The following SYCP2L variants were observed in gnomAD, a reference collection of about 807,000 sequenced individuals.
The protein encoded by SYCP2L is synaptonemal complex protein 2 like.
SYCP2L carries 98 observed loss-of-function variants against 125.8 expected under a neutral mutation model. That is an observed-to-expected ratio of 0.78 (90% confidence interval 0.66 to 0.92). The LOEUF is 0.92. SYCP2L is among the 40% of genes least tolerant of loss of function. The pLI, the probability that SYCP2L is intolerant of heterozygous loss-of-function variation, is 0.00. For missense variants in SYCP2L, 842 were observed against 936.4 expected, an observed-to-expected ratio of 0.90 and a Z score of 1.32; for synonymous variants, 317 against 325.4, an observed-to-expected ratio of 0.97 and a Z score of 0.28.
Position 10,956,203 on chromosome 6 carries a change from C to G in SYCP2L, c.2124C>G (p.Thr708=). 6.2e-7 allele frequency: 1 copy of G among 1,613,846 alleles called. No homozygotes were observed. Among genetic ancestry groups the G allele is most frequent in the Non-Finnish European group, 8.5e-7 (1 of 1,179,952 alleles). The change falls in exon 25 of 30, where the codon ACC becomes ACG. Residue 708 remains threonine (T), a synonymous_variant. Coordinates refer to ENST00000283141, the MANE Select transcript of SYCP2L (RefSeq NM_001040274.3). ...ENLNGSAILP[T]FENFTKKRKR... ...TGAACGGTTCTGCCATTCTCCCAAC[C>G]TTTGAAAACTTCACTAAAAAACGGA...
chr6:10,955,231 C>CCCAG lies in SYCP2L; in HGVS notation c.2056+18_2056+21dup. ...GAGAGTTGCCAGGTAACATCATGCA[C>CCCAG]CCAGCCAATGGTTCAAGTAGGAGTG... On this transcript the variant is annotated intron_variant, in intron 24 of 29. Coordinates refer to ENST00000283141, the MANE Select transcript of SYCP2L (RefSeq NM_001040274.3). The CCCAG allele has an allele frequency of 2.6e-6, 4 of 1,530,872 alleles. No individual in the cohort carries two copies. Among genetic ancestry groups the CCCAG allele is most frequent in the Non-Finnish European group, 3.6e-6 (4 of 1,103,954 alleles). The allele number at this position is 1,530,872 out of a possible 1,614,324, so 94.8% of individuals were successfully genotyped here.
chr6:10,954,690 G>A lies in SYCP2L; in HGVS notation c.1955-426G>A, dbSNP rs770142837. ...TTTATGACGTAGCCTTCAGCATAGCGCCGATGTGCCCGTGTCACCAGCAGA... is the reference window on the plus strand; with the variant it reads ...TTTATGACGTAGCCTTCAGCATAGCACCGATGTGCCCGTGTCACCAGCAGA... On this transcript the variant is annotated intron_variant, in intron 23 of 29. Coordinates refer to ENST00000283141, the MANE Select transcript of SYCP2L (RefSeq NM_001040274.3). This position sits in a 1 kb window ranked among gnomAD's most constrained non-coding sequence, Gnocchi z 4.8. 6.6e-6 allele frequency among the ~76,000 whole-genome samples: 1 copy of A among 152,226 alleles called. No individual in the cohort carries two copies. Among genetic ancestry groups the A allele is most frequent in the Non-Finnish European group, 1.5e-5 (1 of 68,030 alleles).
At chr6:10,957,847 A>C (rs1208222471) in intron 25 of SYCP2L, among the ~76,000 whole-genome samples, 2 of 152,086 alleles carry the variant, frequency 1.3e-5, no homozygotes, top group African/African-American at 4.8e-5. Context: ...AATCTGAGAC[A>C]AAGACGGAGG....
chr6:10,972,084 T>A (rs910357151), intron 29 of SYCP2L, among the ~76,000 whole-genome samples: 1 of 152,246 alleles, frequency 6.6e-6, no homozygotes, highest in Non-Finnish European at 1.5e-5. Context: ...TATTTTTTAA[T>A]AACTGCAAAA....
Position 10,958,772 on chromosome 6 carries a change from G to A in SYCP2L, c.2164-12G>A, listed in dbSNP as rs776601830. 21 of 1,603,582 alleles carry A rather than the reference G, an allele frequency of 1.3e-5. No individual in the cohort carries two copies. Among genetic ancestry groups the A allele is most frequent in the Admixed American group, 1.8e-5 (1 of 56,552 alleles). On this transcript the variant is annotated splice_polypyrimidine_tract_variant and intron_variant, in intron 25 of 29. Transcript: ENST00000283141. ...TAAATGTGATCATCTTGTTATTGTT[G>A]TTATGATTTAGCTTAGGTACAGAAA...
At chr6:10,930,207 C>A (rs1046031898) in intron 18 of SYCP2L, 163 bp from the exon 19 acceptor site, 1 of 621,924 alleles carries the variant, frequency 1.6e-6, no homozygotes, top group Non-Finnish European at 2.6e-6. Flanking sequence ...ATGGAATAAT[C>A]CTTTTCTTCC....
chr6:10,928,616 G>A (rs79346766), intron 18 of SYCP2L, among the ~76,000 whole-genome samples, 166 bp downstream of exon 18: 2,827 of 152,192 alleles, frequency 0.019, 92 homozygotes, highest in African/African-American at 0.065. Flanking sequence ...ATAGCTCACC[G>A]TGGCCTCAGC....
chr6:10,954,872 G>A lies in SYCP2L; in HGVS notation c.1955-244G>A, dbSNP rs1008483723. 1.3e-5 allele frequency among the ~76,000 whole-genome samples: 2 copies of A among 152,202 alleles called. No individual in the cohort carries two copies. Among genetic ancestry groups the A allele is most frequent in the South Asian group, 2.1e-4 (1 of 4,830 alleles). On this transcript the variant is annotated intron_variant, in intron 23 of 29. Transcript: ENST00000283141. This position sits in a 1 kb window ranked among gnomAD's most constrained non-coding sequence, Gnocchi z 4.8. ...ACGCTCTGCCTAGTGAGGGGTCTGT[G>A]CTAAGCAGAGTGTTCCTAAATGTAA...
chr6:10,906,804 G>T (rs373195993), intron 9 of SYCP2L, among the ~76,000 whole-genome samples: 1,624 of 151,916 alleles, frequency 0.011, 18 homozygotes, highest in African/African-American at 0.034. Context: ...TCACCATGTT[G>T]GCCAGGCTGG....
At chr6:10,896,325 C>A (rs910926891) in intron 4 of SYCP2L, among the ~76,000 whole-genome samples, 2 of 152,094 alleles carry the variant, frequency 1.3e-5, no homozygotes, top group African/African-American at 4.8e-5. Context: ...GTGACCAGGG[C>A]ACATAAATGG....
At chr6:10,888,922 C>T (rs1780129041) in intron 1 of SYCP2L, among the ~76,000 whole-genome samples, 1 of 152,056 alleles carries the variant, frequency 6.6e-6, no homozygotes, top group South Asian at 2.1e-4. Flanking sequence ...AGCGCAGTGG[C>T]TGGATCTCGG....
Position 10,937,189 on chromosome 6 carries a change from G to T in SYCP2L, c.1813+2002G>T, listed in dbSNP as rs78273900. Among the ~76,000 whole-genome samples, 51 of 152,280 alleles carry T rather than the reference G, an allele frequency of 3.3e-4. 1 individual carries two copies. In the East Asian group the frequency reaches 9.3e-3, roughly 28 times the overall value. ...GGACATTCTCCAGAATTGATCATAT[G>T]TTGGGCTACAAAATACATCTTAACA... On this transcript the variant is annotated intron_variant, in intron 21 of 29. Transcript: ENST00000283141.
At chr6:10,928,258 A>G (rs114767124) in intron 17 of SYCP2L, 145 bp from the exon 18 acceptor site, 19,583 of 483,220 alleles carry the variant, frequency 0.041, 531 homozygotes, top group Non-Finnish European at 0.049. Context: ...GGAAATCACA[A>G]GGGGAAGTGA....
intron 10 of SYCP2L, among the ~76,000 whole-genome samples, chr6:10,909,213 C>T (rs762762478): frequency 1.3e-5 from 2 of 150,282 alleles, no homozygotes; most frequent in Non-Finnish European, 2.9e-5. Context: ...ACTGCAACCC[C>T]CGCCTCCTGG....
chr6:10,889,084 A>G (rs1041140545), intron 1 of SYCP2L, among the ~76,000 whole-genome samples: 3 of 151,594 alleles, frequency 2.0e-5, no homozygotes, highest in African/African-American at 7.3e-5. Context: ...CTGGTCTCGA[A>G]CTCCTGACCT....
chr6:10,934,695 A>G (rs757188234), intron 20 of SYCP2L, among the ~76,000 whole-genome samples: 14 of 152,138 alleles, frequency 9.2e-5, no homozygotes, highest in Non-Finnish European at 1.8e-4. Flanking sequence ...ATAACTGGAA[A>G]TTGGAAATTC....
intron 14 of SYCP2L, among the ~76,000 whole-genome samples, chr6:10,920,372 C>A (rs997810406): frequency 2.6e-5 from 4 of 152,142 alleles, no homozygotes; most frequent in African/African-American, 9.7e-5. Context: ...CCTATACCAC[C>A]ATACCCAGCT....
At chr6:10,918,681 C>CCT (rs1780731366) in intron 14 of SYCP2L, among the ~76,000 whole-genome samples, 1 of 152,000 alleles carries the variant, frequency 6.6e-6, no homozygotes, top group South Asian at 2.1e-4. Context: ...GGATTACAGG[C>CCT]ACGTGCCACC....
intron 1 of SYCP2L, 72 bp from the exon 2 acceptor site, chr6:10,891,441 T>TGGG: frequency 2.3e-6 from 2 of 884,570 alleles, no homozygotes; most frequent in Non-Finnish European, 3.4e-6. Context: ...TTTTTTTTGC[T>TGGG]TTGTGTTTAA....
Sources: gnomAD v4.1 joint callset for allele counts (sites outside exome capture counted in the v4.1 genomes callset) on GRCh38, gnomAD v4.1.1 for gene constraint, Gnocchi (gnomAD v3.1) non-coding constraint, MANE v1.5 for transcripts, NCBI Gene and HGNC (gene_info 2026-07-23, HGNC 2026-07-21) for gene names.